Variants in SCHIP1 observed in about 807,000 individuals in gnomAD.
The protein encoded by SCHIP1 is schwannomin interacting protein 1.
A neutral mutation model predicts 29.7 loss-of-function variants in SCHIP1; 8 were observed. The observed-to-expected ratio is 0.27, with a 90% CI of 0.16 to 0.49. The LOEUF (loss-of-function observed/expected upper bound fraction) is 0.49, where lower values mean the gene tolerates loss of function less well. SCHIP1 is among the 20% of genes least tolerant of loss of function. The pLI, the probability that SCHIP1 is intolerant of heterozygous loss-of-function variation, is 0.99. For missense variants in SCHIP1, 193 were observed against 294.6 expected (o/e 0.66, Z 2.52); for synonymous variants, 76 against 94.9 (o/e 0.80, Z 1.16).
chr3:159,720,166 G>A, the SCHIP1 span, among the ~76,000 whole-genome samples: 6 of 141,504 alleles, frequency 4.2e-5, no homozygotes, highest in Admixed American at 7.9e-5. Context: ...CTCATAGGTG[G>A]GAATTGAACA....
chr3:159,782,594 A>C, the SCHIP1 span, among the ~76,000 whole-genome samples: 2 of 152,110 alleles, frequency 1.3e-5, no homozygotes, highest in African/African-American at 4.8e-5. Context: ...TTCTGCCTTG[A>C]ATGTTCCCAC....
the SCHIP1 span, among the ~76,000 whole-genome samples, chr3:159,730,376 G>T: frequency 2.6e-5 from 4 of 152,218 alleles, no homozygotes; most frequent in African/African-American, 9.6e-5. Flanking sequence ...GATTAAGTGA[G>T]ATTACAGATT....
the SCHIP1 span, among the ~76,000 whole-genome samples, chr3:159,426,148 C>G: frequency 3.2e-3 from 491 of 151,990 alleles, no homozygotes; most frequent in African/African-American, 0.011. Context: ...AAAGCAAGAG[C>G]AAACACATTC....
the SCHIP1 span, among the ~76,000 whole-genome samples, chr3:159,493,904 C>T: frequency 2.2e-4 from 33 of 151,944 alleles, no homozygotes; most frequent in Non-Finnish European, 4.0e-4. Flanking sequence ...CAAACTGTCT[C>T]TCAGACCACA....
At chr3:159,683,783 C>T in the SCHIP1 span, among the ~76,000 whole-genome samples, 2 of 152,214 alleles carry the variant, frequency 1.3e-5, no homozygotes, top group Non-Finnish European at 2.9e-5. Context: ...CAGAGCTCCA[C>T]TTGTGCTTCC....
the SCHIP1 span, among the ~76,000 whole-genome samples, chr3:159,336,189 T>C: frequency 6.6e-6 from 1 of 152,152 alleles, no homozygotes; most frequent in African/African-American, 2.4e-5. Flanking sequence ...TTTGATGGAG[T>C]TGTTTGTTTT....
At chr3:159,799,935 C>T in the SCHIP1 span, among the ~76,000 whole-genome samples, 570 of 152,250 alleles carry the variant, frequency 3.7e-3, 2 homozygotes, top group African/African-American at 0.013. Flanking sequence ...GTAGCTACAC[C>T]ATTGCCTGGG....
the SCHIP1 span, among the ~76,000 whole-genome samples, chr3:159,502,734 A>G: frequency 8.7e-5 from 13 of 149,888 alleles, no homozygotes; most frequent in African/African-American, 3.2e-4. Flanking sequence ...AATCAGCTTC[A>G]TTTCTGACAA....
the SCHIP1 span, among the ~76,000 whole-genome samples, chr3:159,629,580 G>A: frequency 6.6e-6 from 1 of 152,242 alleles, no homozygotes; most frequent in South Asian, 2.1e-4. Flanking sequence ...ACTTGTTGCA[G>A]GACAACACTT....
chr3:159,448,330 G>A, the SCHIP1 span, among the ~76,000 whole-genome samples: 1 of 152,080 alleles, frequency 6.6e-6, no homozygotes, highest in Non-Finnish European at 1.5e-5. Context: ...AATTAGCCAG[G>A]TGTGGTGGTG....
the SCHIP1 span, among the ~76,000 whole-genome samples, chr3:159,349,706 G>A: frequency 1.3e-5 from 2 of 152,092 alleles, no homozygotes; most frequent in Non-Finnish European, 2.9e-5. Context: ...TGACAACCTG[G>A]AAGTCAGAGC....
chr3:159,330,972 C>A, the SCHIP1 span, among the ~76,000 whole-genome samples: 2 of 152,152 alleles, frequency 1.3e-5, no homozygotes, highest in African/African-American at 2.4e-5. Flanking sequence ...ATTTATATCT[C>A]CTCCCCAGAC....
chr3:159,398,890 A>C, the SCHIP1 span: 1 of 833,232 alleles, frequency 1.2e-6, no homozygotes, highest in Non-Finnish European at 1.4e-6. Flanking sequence ...CCAAGTAGAA[A>C]CGTCCTGCAG....
the SCHIP1 span, among the ~76,000 whole-genome samples, chr3:159,742,004 C>T: frequency 4.6e-5 from 7 of 152,090 alleles, no homozygotes; most frequent in Non-Finnish European, 8.8e-5. Flanking sequence ...CTGAGGTGGG[C>T]GGATCACTTG....
At chr3:159,400,863 C>A in the SCHIP1 span, among the ~76,000 whole-genome samples, 1 of 152,154 alleles carries the variant, frequency 6.6e-6, no homozygotes, top group Non-Finnish European at 1.5e-5. Flanking sequence ...GTGATGATAG[C>A]AGGCTCTAGA....
chr3:159,299,866 C>T, the SCHIP1 span, among the ~76,000 whole-genome samples: 1 of 152,148 alleles, frequency 6.6e-6, no homozygotes, highest in Non-Finnish European at 1.5e-5. Flanking sequence ...TTCAAACATA[C>T]ACTTAAGCAT....
At chr3:159,495,905 G>C in the SCHIP1 span, among the ~76,000 whole-genome samples, 1 of 152,156 alleles carries the variant, frequency 6.6e-6, no homozygotes, top group Non-Finnish European at 1.5e-5. Flanking sequence ...CCAAGACAGA[G>C]ATATAGACCA....
chr3:159,277,501 G>A, the SCHIP1 span, among the ~76,000 whole-genome samples: 9 of 151,844 alleles, frequency 5.9e-5, no homozygotes, highest in African/African-American at 1.9e-4. Context: ...ACCTGTGAAT[G>A]GAATAATAAT....
the SCHIP1 span, among the ~76,000 whole-genome samples, chr3:159,456,974 A>C: frequency 2.6e-5 from 4 of 152,208 alleles, no homozygotes; most frequent in Non-Finnish European, 4.4e-5. Context: ...TATCAAATTA[A>C]GTTTATCTAA....
Sources: gnomAD v4.1 joint callset for allele counts (sites outside exome capture counted in the v4.1 genomes callset) on GRCh38, gnomAD v4.1.1 for gene constraint, MANE v1.5 for transcripts, NCBI Gene and HGNC (gene_info 2026-07-23, HGNC 2026-07-21) for gene names.